Variants in TMEFF1 observed in about 807,000 individuals in gnomAD.
TMEFF1 encodes the protein transmembrane protein with EGF like and two follistatin like domains 1, also known as tomoregulin-1.
In TMEFF1, 20 loss-of-function variants were observed where a neutral mutation model predicts 47.5. The ratio of observed to expected loss-of-function variants is 0.42; its 90% confidence interval spans 0.30 to 0.61. The LOEUF (loss-of-function observed/expected upper bound fraction) is 0.61, where lower values mean the gene tolerates loss of function less well. Among genes scored for constraint, TMEFF1 ranks in the 20% least tolerant of loss-of-function variants. TMEFF1 has a pLI of 0.19. For synonymous variants in TMEFF1, 162 were observed against 166.3 expected (o/e 0.97, Z 0.20); for missense variants, 411 against 471.1 (o/e 0.87, Z 1.18).
At chr9:100,547,957 A>T in intron 6 of TMEFF1, 65 bp downstream of exon 6, 2 of 1,364,442 alleles carry the variant, frequency 1.5e-6, no homozygotes, top group Non-Finnish European at 1.9e-6. Flanking sequence ...TCTTATTTGT[A>T]CATTTGGTAG....
rs1386490927 is a variant in TMEFF1, at chr9:100,559,697, G to A, written c.776-1700G>A. Among the ~76,000 whole-genome samples the A allele has an allele frequency of 3.3e-5, 5 of 152,096 alleles. No homozygotes were observed. The South Asian group carries it at 6.2e-4, about 19-fold the overall frequency. ...CATATGTGTCTTGTACTATACCTAT[G>A]TTGGGTAGTGCTGGTCTCATTCAGT... is the stretch of plus-strand genomic sequence containing the variant. On this transcript the variant is annotated intron_variant, in intron 7 of 9. Coordinates refer to ENST00000374879, the MANE Select transcript of TMEFF1 (RefSeq NM_003692.5).
chr9:100,505,189 G>A lies in TMEFF1; in HGVS notation c.307-3816G>A, dbSNP rs188288064. 6.7e-3 allele frequency among the ~76,000 whole-genome samples: 1,024 copies of A among 151,784 alleles called. 6 individuals carry two copies. Among genetic ancestry groups the A allele is most frequent in the African/African-American group, 0.024 (992 of 41,432 alleles). On this transcript the variant is annotated intron_variant, in intron 2 of 9. Transcript: ENST00000374879. The stretch of plus-strand genomic sequence containing the variant: ...AGCACTTTGGGAGGCCGAGGTGGGC[G>A]GATCACGAGGTCAGGAGTTCAAGAC...
intron 8 of TMEFF1, among the ~76,000 whole-genome samples, chr9:100,571,803 T>TA (rs763712698): frequency 3.9e-5 from 6 of 152,238 alleles, no homozygotes; most frequent in Non-Finnish European, 8.8e-5. Context: ...TTCCTGCAAT[T>TA]AGACAGTCCC....
At chr9:100,563,986 A>C (rs1839071140) in intron 8 of TMEFF1, among the ~76,000 whole-genome samples, 1 of 152,212 alleles carries the variant, frequency 6.6e-6, no homozygotes, top group South Asian at 2.1e-4. Context: ...GTGTGTTTGC[A>C]TAGCAGTAAA....
At chr9:100,521,129 A>G (rs1219648864) in intron 5 of TMEFF1, among the ~76,000 whole-genome samples, 1 of 152,182 alleles carries the variant, frequency 6.6e-6, no homozygotes, top group African/African-American at 2.4e-5. Context: ...CTAAATGTAA[A>G]ATAAGAGTGT....
At chr9:100,558,167 C>T (rs1838951019) in intron 7 of TMEFF1, among the ~76,000 whole-genome samples, 1 of 152,160 alleles carries the variant, frequency 6.6e-6, no homozygotes, top group Non-Finnish European at 1.5e-5. Flanking sequence ...TTATAGCTTT[C>T]AGCTCTGCAT....
intron 7 of TMEFF1, among the ~76,000 whole-genome samples, chr9:100,559,265 G>A (rs1240637645): frequency 6.6e-6 from 1 of 152,152 alleles, no homozygotes; most frequent in African/African-American, 2.4e-5. Flanking sequence ...CTTTTGCAAT[G>A]GCAGAATTAT....
intron 5 of TMEFF1, among the ~76,000 whole-genome samples, chr9:100,523,135 T>C (rs1343319671): frequency 1.3e-5 from 2 of 152,358 alleles, no homozygotes; most frequent in Admixed American, 6.5e-5. Flanking sequence ...TGCAATTTTC[T>C]GAATGCACTG....
intron 5 of TMEFF1, 34 bp from the exon 6 acceptor site, chr9:100,547,710 G>C: frequency 6.9e-7 from 1 of 1,450,268 alleles, no homozygotes; most frequent in South Asian, 1.6e-5. Context: ...TATTTTTGTT[G>C]TAAAATATAG....
At chr9:100,507,120 T>G (rs1205437377) in intron 2 of TMEFF1, among the ~76,000 whole-genome samples, 2 of 152,156 alleles carry the variant, frequency 1.3e-5, no homozygotes, top group African/African-American at 4.8e-5. Context: ...GCATGAGGTA[T>G]TTGGTTTTCT....
chr9:100,541,947 A>G (rs1281501735), intron 5 of TMEFF1, among the ~76,000 whole-genome samples: 2 of 152,106 alleles, frequency 1.3e-5, no homozygotes, highest in Non-Finnish European at 2.9e-5. Flanking sequence ...TTTAACATGT[A>G]TCTTACAAGC....
At chr9:100,517,405 T>C (rs1009282236) in intron 5 of TMEFF1, among the ~76,000 whole-genome samples, 3 of 152,244 alleles carry the variant, frequency 2.0e-5, no homozygotes, top group Admixed American at 6.5e-5. Flanking sequence ...ATATTTGTGC[T>C]TTCTTCCTTA....
chr9:100,495,815 G>A (rs769935441), intron 1 of TMEFF1, among the ~76,000 whole-genome samples: 8 of 152,064 alleles, frequency 5.3e-5, no homozygotes, highest in Non-Finnish European at 7.3e-5. Flanking sequence ...GATTTATTCC[G>A]GGAGTCACCA....
intron 1 of TMEFF1, among the ~76,000 whole-genome samples, chr9:100,497,976 C>T (rs1027783433): frequency 1.3e-5 from 2 of 151,834 alleles, no homozygotes; most frequent in African/African-American, 4.8e-5. Flanking sequence ...TTTTTGTAAG[C>T]TCTCATTCCC....
At chr9:100,532,326 T>C (rs1168306403) in intron 5 of TMEFF1, among the ~76,000 whole-genome samples, 1 of 151,202 alleles carries the variant, frequency 6.6e-6, no homozygotes, top group Admixed American at 6.6e-5. Flanking sequence ...GGGAGAAAAT[T>C]TTTGCAACCT....
rs576043715 is a variant in TMEFF1, at chr9:100,554,728, A to G, written c.775+4568A>G. On this transcript the variant is annotated intron_variant, in intron 7 of 9. Coordinates refer to ENST00000374879, the MANE Select transcript of TMEFF1 (RefSeq NM_003692.5). ...AGTCCAAGCAGATGGTGGTTAGGGAAGGATGTGTGGAGGGATATGTTAGTG... is the reference window on the plus strand; with the variant it reads ...AGTCCAAGCAGATGGTGGTTAGGGAGGGATGTGTGGAGGGATATGTTAGTG... 2.0e-5 allele frequency among the ~76,000 whole-genome samples: 3 copies of G among 151,810 alleles called. No individual in the cohort carries two copies. The South Asian group carries it at 6.3e-4, about 32-fold the overall frequency.
intron 5 of TMEFF1, among the ~76,000 whole-genome samples, chr9:100,519,776 C>T (rs924581407): frequency 2.1e-5 from 3 of 146,206 alleles, no homozygotes; most frequent in African/African-American, 7.6e-5. Flanking sequence ...CTTTTAAATT[C>T]TGTTAGTTCT....
chr9:100,572,325 G>A (rs1443380743), intron 8 of TMEFF1, among the ~76,000 whole-genome samples, 193 bp from the exon 9 acceptor site: 1 of 152,114 alleles, frequency 6.6e-6, no homozygotes, highest in African/African-American at 2.4e-5. Context: ...TTAGGTGAAA[G>A]ACGCACCATG....
intron 1 of TMEFF1, among the ~76,000 whole-genome samples, chr9:100,475,540 G>A (rs1281442238): frequency 2.6e-5 from 4 of 152,124 alleles, no homozygotes; most frequent in East Asian, 1.9e-4. Flanking sequence ...TCCAGCTAAT[G>A]TGTCGCGGGT....
Sources: gnomAD v4.1 joint callset for allele counts (sites outside exome capture counted in the v4.1 genomes callset) on GRCh38, gnomAD v4.1.1 for gene constraint, MANE v1.5 for transcripts, NCBI Gene and HGNC (gene_info 2026-07-23, HGNC 2026-07-21) for gene names.